SGCA: variants seen among roughly 807,000 people sequenced by gnomAD.
SGCA encodes the protein sarcoglycan alpha.
In SGCA, 34 loss-of-function variants were observed where a neutral mutation model predicts 38.1. The observed-to-expected ratio is 0.89, with a 90% confidence interval of 0.68 to 1.19. The LOEUF (loss-of-function observed/expected upper bound fraction) is 1.19. Among genes scored for constraint, SGCA ranks in the 50% most tolerant of loss-of-function variants. The pLI is 0.00. For missense variants in SGCA, 476 were observed against 524.9 expected (o/e 0.91, Z 0.91); for synonymous variants, 209 against 214.6 (o/e 0.97, Z 0.23).
Position 50,167,856 on chromosome 17 carries a change from T to A in SGCA, c.313-91T>A. ...CATTTACATATAATTTACATACCTC[T>A]AATTTGGTATCTGAGTCCTCTCCTG... On this transcript the variant is annotated intron_variant, in intron 3 of 9. Transcript: ENST00000262018. This position sits in a 1 kb window ranked among gnomAD's most constrained non-coding sequence, Gnocchi z 4.5. 6.6e-7 allele frequency: 1 copy of A among 1,522,480 alleles called. No homozygotes were observed. Among genetic ancestry groups the A allele is most frequent in the Non-Finnish European group, 9.1e-7 (1 of 1,096,666 alleles). 94.3% of individuals were successfully genotyped at this position (1,522,480 alleles called of 1,614,324 possible).
In SGCA at chr17:50,175,390, C is replaced by T. The variant is rs1173961616; in HGVS notation, c.1117C>T (p.Pro373Ser). ...FNVHTGERLP[P>S]RVDSAQVPLI... ...TGTGCACACAGGTGAGCGGCTGCCT[C>T]CCCGCGTGGACAGCGCCCAGGTGCC... Residue 373 changes from proline (P) to serine (S), a missense_variant, in exon 9 of 10, where the codon CCC (proline) becomes TCC (serine). Coordinates refer to ENST00000262018, the MANE Select transcript of SGCA (RefSeq NM_000023.4). 1 of 1,613,108 alleles carries T rather than the reference C, an allele frequency of 6.2e-7. No homozygotes were observed. The highest frequency in any genetic ancestry group is 8.5e-7 in the Non-Finnish European group (1 of 1,180,030).
At chr17:50,174,851 C>T (rs764963639) in intron 8 of SGCA, among the ~76,000 whole-genome samples, 1 of 151,728 alleles carries the variant, frequency 6.6e-6, no homozygotes, top group Admixed American at 6.6e-5. Context: ...GATGGAGTCT[C>T]TTGCGATCTC....
intron 5 of SGCA, 44 bp downstream of exon 5, chr17:50,168,616 A>G: frequency 6.6e-7 from 1 of 1,520,520 alleles, no homozygotes; most frequent in Non-Finnish European, 8.9e-7. Flanking sequence ...AGGAGGATGC[A>G]GCTTGTGGCG....
rs886041387 is a variant in SGCA at position 50,168,517 on chromosome 17, TC to T, written c.530del (p.Ser177LeufsTer34). 1 of 1,579,962 alleles carries T rather than the reference TC, an allele frequency of 6.3e-7. No homozygotes were observed. The highest frequency in any genetic ancestry group is 1.3e-5 in the African/African-American group (1 of 74,332). On this transcript the variant is annotated frameshift_variant, in exon 5 of 10. Coordinates refer to ENST00000262018, the MANE Select transcript of SGCA (RefSeq NM_000023.4). LOFTEE classifies it high-confidence loss of function. ...PGELQLLNVT[S>X]ALDRGGRVPL... is the part of the protein sequence containing the mutation. ...AGAGCTTCAGCTGCTCAACGTCACC[TC>T]TGCCTTGGACCGTGGGGGCCGTGTC... is the stretch of plus-strand genomic sequence containing the variant.
At chr17:50,169,855 A>G in intron 6 of SGCA, 4 of 535,136 alleles carry the variant, frequency 7.5e-6, no homozygotes, top group South Asian at 6.0e-5. Flanking sequence ...GCACTGTCCC[A>G]TCAACATATT....
In SGCA at chr17:50,168,520, G is replaced by A. The variant is rs1598267436; in HGVS notation, c.532G>A (p.Ala178Thr). 1 of 1,579,060 alleles carries A rather than the reference G, an allele frequency of 6.3e-7. No homozygotes were observed. ...GELQLLNVTSALDRGGRVPLP... is the reference protein window; with the variant it reads ...GELQLLNVTSTLDRGGRVPLP... ...GCTTCAGCTGCTCAACGTCACCTCTGCCTTGGACCGTGGGGGCCGTGTCCC... is the reference window on the plus strand; with the variant it reads ...GCTTCAGCTGCTCAACGTCACCTCTACCTTGGACCGTGGGGGCCGTGTCCC... Residue 178 changes from alanine (A) to threonine (T), a missense_variant, in exon 5 of 10, where the codon GCC (alanine) becomes ACC (threonine). Coordinates refer to ENST00000262018, the MANE Select transcript of SGCA (RefSeq NM_000023.4).
At chr17:50,169,444 CA>C in intron 6 of SGCA, 190 bp downstream of exon 6, 4 of 591,646 alleles carry the variant, frequency 6.8e-6, no homozygotes, top group Non-Finnish European at 9.0e-6. Flanking sequence ...CACACACACA[CA>C]CCCCTGAAGT....
At chr17:50,173,917 T>C (rs142727180) in intron 8 of SGCA, among the ~76,000 whole-genome samples, 198 of 152,322 alleles carry the variant, frequency 1.3e-3, no homozygotes, top group African/African-American at 4.2e-3. Context: ...TGTCCACTAA[T>C]TGGGACCTGA....
At chr17:50,173,694 C>T (rs1054740743) in intron 8 of SGCA, among the ~76,000 whole-genome samples, 40 of 152,266 alleles carry the variant, frequency 2.6e-4, no homozygotes, top group African/African-American at 9.1e-4. Flanking sequence ...CTTTCTTTCC[C>T]CTCAGTCTCC....
At chr17:50,169,798 CA>C (rs2144499985) in intron 6 of SGCA, 1 of 432,718 alleles carries the variant, frequency 2.3e-6, no homozygotes, top group South Asian at 2.2e-5. Flanking sequence ...GGTCCACAGC[CA>C]GCGACTGGTA....
chr17:50,168,533 G>A lies in SGCA; in HGVS notation c.545G>A (p.Gly182Glu), dbSNP rs761353909. 8 of 1,575,974 alleles carry A rather than the reference G, an allele frequency of 5.1e-6. No individual in the cohort carries two copies. Among genetic ancestry groups the A allele is most frequent in the Non-Finnish European group, 6.9e-6 (8 of 1,160,152 alleles). ...AACGTCACCTCTGCCTTGGACCGTG[G>A]GGGCCGTGTCCCCCTTCCCATTGAG... is the stretch of plus-strand genomic sequence containing the variant. ...LLNVTSALDR[G>E]GRVPLPIEGR... Residue 182 changes from glycine (G) to glutamate (E), a missense_variant, in exon 5 of 10, where the codon GGG becomes GAG. Transcript: ENST00000262018.
At chr17:50,171,896 C>T (rs540079398) in intron 8 of SGCA, 43 of 456,770 alleles carry the variant, frequency 9.4e-5, no homozygotes, top group Admixed American at 9.4e-5. Context: ...GGGCTTCTGG[C>T]AGGGTTTGGC....
rs1207297075 is a variant in SGCA, at chr17:50,169,218, A to C, written c.711A>C (p.Ala237=). 1.2e-6 allele frequency: 2 copies of C among 1,613,696 alleles called. No homozygotes were observed. Among genetic ancestry groups the C allele is most frequent in the Admixed American group, 3.3e-5 (2 of 59,982 alleles). Residue 237 remains alanine, a synonymous_variant, in exon 6 of 10, where the codon GCA becomes GCC. Coordinates refer to ENST00000262018, the MANE Select transcript of SGCA (RefSeq NM_000023.4). The part of the protein sequence containing the change: ...PPLLSCYDTL[A]PHFRVDWCNV... The stretch of plus-strand genomic sequence containing the variant: ...TTCTGTCTTGCTACGACACCTTGGC[A>C]CCCCACTTCCGCGTTGACTGGTGCA...
chr17:50,171,492 C>A (rs1211405148), intron 8 of SGCA: 3 of 456,698 alleles, frequency 6.6e-6, no homozygotes, highest in Non-Finnish European at 1.3e-5. Flanking sequence ...GCACCCCTGA[C>A]TGCTTGCCTG....
intron 8 of SGCA, among the ~76,000 whole-genome samples, chr17:50,171,179 C>T (rs73987436): frequency 0.01 from 1,558 of 152,340 alleles, 26 homozygotes; most frequent in African/African-American, 0.036. Flanking sequence ...CAGACACCTG[C>T]GGTCCAGGCC....
rs753650776 is a variant in SGCA, at chr17:50,168,476, GA to G, written c.489del (p.Leu164SerfsTer47). 1 of 1,581,488 alleles carries G rather than the reference GA, an allele frequency of 6.3e-7. No homozygotes were observed. Among genetic ancestry groups the G allele is most frequent in the African/African-American group, 1.3e-5 (1 of 74,438 alleles). On this transcript the variant is annotated frameshift_variant, in exon 5 of 10. Transcript: ENST00000262018. LOFTEE classifies it high-confidence loss of function. ...AGCCGCTTCCTCTCAGCCTTGGGGGGACTCTGGGAGCCCGGAGAGCTTCAGC... is the reference window on the plus strand; with the variant it reads ...AGCCGCTTCCTCTCAGCCTTGGGGGGCTCTGGGAGCCCGGAGAGCTTCAGC... ...PASRFLSALG[G>X]LWEPGELQLL...
intron 8 of SGCA, chr17:50,172,421 C>T (rs1408929269): frequency 1.7e-5 from 7 of 404,824 alleles, no homozygotes; most frequent in East Asian, 1.5e-4. Flanking sequence ...GGCCAGACAG[C>T]GGGCCTGCAC....
chr17:50,170,328 C>T lies in SGCA; in HGVS notation c.933C>T (p.Val311=), dbSNP rs1801191. 0.047 allele frequency: 75,685 copies of T among 1,613,718 alleles called. 2,955 individuals carry two copies. Among genetic ancestry groups the T allele is most frequent in the African/African-American group, 0.21 (15,507 of 74,970 alleles). ...ALLLTLLLAY[V]MCCRREGRLK... is the part of the protein sequence containing the mutation. ...TTCTCACCTTGCTGCTGGCCTATGT[C>T]ATGTGCTGCCGGCGGGAGGGAAGGT... The change falls in exon 7 of 10, where the codon GTC becomes GTT. Residue 311 remains valine, a synonymous_variant. Transcript: ENST00000262018.
chr17:50,172,501 G>A (rs955078100), intron 8 of SGCA: 1 of 336,032 alleles, frequency 3.0e-6, no homozygotes, highest in Non-Finnish European at 5.9e-6. Context: ...AATTTTTAGA[G>A]AGAGGGTCTC....
Sources: gnomAD v4.1 joint callset for allele counts (sites outside exome capture counted in the v4.1 genomes callset) on GRCh38, gnomAD v4.1.1 for gene constraint, Gnocchi (gnomAD v3.1) non-coding constraint, MANE v1.5 for transcripts, NCBI Gene and HGNC (gene_info 2026-07-23, HGNC 2026-07-21) for gene names.